The following ATG14 variants were observed in gnomAD, a reference collection of about 807,000 sequenced individuals.
ATG14 encodes beclin 1-associated autophagy-related key regulator.
A neutral mutation model predicts 60.4 loss-of-function variants in ATG14; 35 were observed. The ratio of observed to expected loss-of-function variants is 0.58; its 90% CI spans 0.44 to 0.77. The LOEUF (loss-of-function observed/expected upper bound fraction) is 0.77, where lower values mean the gene tolerates loss of function less well. Among genes scored for constraint, ATG14 ranks in the 30% least tolerant of loss-of-function variants. The pLI, the probability that ATG14 is intolerant of heterozygous loss-of-function variation, is 0.00. For missense variants in ATG14, 647 were observed against 626.3 expected (o/e 1.03, Z -0.35); for synonymous variants, 234 against 228.8 (o/e 1.02, Z -0.21).
chr14:55,404,350 A>C (rs376695197), intron 1 of ATG14, among the ~76,000 whole-genome samples: 6 of 152,172 alleles, frequency 3.9e-5, no homozygotes, highest in Middle Eastern at 3.2e-3. Context: ...CTCCCTTCTA[A>C]AAGAAAACAC....
chr14:55,407,686 A>G (rs373806724), intron 1 of ATG14, among the ~76,000 whole-genome samples: 283 of 152,354 alleles, frequency 1.9e-3, no homozygotes, highest in Non-Finnish European at 3.2e-3. Context: ...TCATGCCTTC[A>G]TGAAACTACA....
Position 55,386,075 on chromosome 14 carries a change from G to A in ATG14, c.431C>T (p.Thr144Ile). The A allele has an allele frequency of 6.2e-7, 1 of 1,609,878 alleles. No homozygotes were observed. Among genetic ancestry groups the A allele is most frequent in the Non-Finnish European group, 8.5e-7 (1 of 1,179,004 alleles). The change falls in exon 5 of 10, where the codon ACC becomes ATC. Residue 144 changes from threonine to isoleucine, a missense_variant. Coordinates refer to ENST00000247178, the MANE Select transcript of ATG14 (RefSeq NM_014924.5). ...MEKNSEGLLK[T>I]KEKNQKLYSR... ...GTAAAGCTTCTGATTCTTTTCCTTG[G>A]TTTTGAGAAGGCCTTCAGAATCTAA... is the stretch of plus-strand genomic sequence containing the variant.
In ATG14 at chr14:55,387,762, G is replaced by A. The variant is rs1195596762; in HGVS notation, c.410-1666C>T. Among the ~76,000 whole-genome samples, 5 of 151,630 alleles carry A rather than the reference G, an allele frequency of 3.3e-5. No individual in the cohort carries two copies. In the East Asian group the frequency reaches 5.9e-4, roughly 18 times the overall value. On this transcript the variant is annotated intron_variant, in intron 4 of 9. Coordinates refer to ENST00000247178, the MANE Select transcript of ATG14 (RefSeq NM_014924.5). ...CGGCTCACTGCAACCTCCGCCTCCC[G>A]GGTTCAATTGATTCTCCTGACCCAG...
At position 55,378,025 on chromosome 14, in the gene ATG14, T is replaced by C. The variant is rs528347340; in HGVS notation, c.1045A>G (p.Lys349Glu). The C allele has an allele frequency of 6.2e-7, 1 of 1,613,228 alleles. No homozygotes were observed. Among genetic ancestry groups the C allele is most frequent in the South Asian group, 1.1e-5 (1 of 91,038 alleles). Reference protein sequence around the residue: ...LSKQKFTRAVKKLNANILYLC... With the variant: ...LSKQKFTRAVEKLNANILYLC... ...TAAAGAATATTTGCATTCAGTTTCT[T>C]CACTGCTCGAGTAAATTTCTGCTTG... Residue 349 changes from lysine to glutamate, a missense_variant, in exon 8 of 10, where the codon AAG (lysine) becomes GAG (glutamate). Coordinates refer to ENST00000247178, the MANE Select transcript of ATG14 (RefSeq NM_014924.5).
chr14:55,369,416 A>C lies in ATG14; in HGVS notation c.*203T>G. The C allele has an allele frequency of 4.5e-6, 2 of 448,520 alleles. No homozygotes were observed. The highest frequency in any genetic ancestry group is 3.4e-5 in the East Asian group (1 of 29,264). The allele number at this position is 448,520 out of a possible 1,614,324, so 27.8% of individuals were successfully genotyped here. A position where few individuals can be genotyped will look rare whatever the true frequency, so the allele number is the denominator to read the frequency against. On this transcript the variant is annotated 3_prime_UTR_variant, in exon 10 of 10. Coordinates refer to ENST00000247178, the MANE Select transcript of ATG14 (RefSeq NM_014924.5). ...AAAGACCTTCGACCCCTGTTCTCTT[A>C]ATTATCATAAGCATGTTGGTCACCA...
At chr14:55,396,392 GTT>G (rs1214842061) in intron 2 of ATG14, among the ~76,000 whole-genome samples, 1 of 152,176 alleles carries the variant, frequency 6.6e-6, no homozygotes, top group East Asian at 1.9e-4. Flanking sequence ...GAAAAATAAA[GTT>G]TTTGTGTTTG....
intron 4 of ATG14, among the ~76,000 whole-genome samples, chr14:55,387,649 G>A (rs1375367954): frequency 6.6e-6 from 1 of 152,038 alleles, no homozygotes; most frequent in Non-Finnish European, 1.5e-5. Flanking sequence ...TTAGGTATTT[G>A]GTTGCACGCA....
intron 7 of ATG14, among the ~76,000 whole-genome samples, chr14:55,378,983 C>T (rs906783112): frequency 6.6e-6 from 1 of 152,078 alleles, no homozygotes; most frequent in African/African-American, 2.4e-5. Context: ...GCTGGGATTA[C>T]AGGCAGGCAT....
At position 55,369,845 on chromosome 14, in the gene ATG14, T is replaced by C. The variant is rs746710588; in HGVS notation, c.1253A>G (p.Glu418Gly). 1.2e-6 allele frequency: 2 copies of C among 1,614,006 alleles called. No individual in the cohort carries two copies. Among genetic ancestry groups the C allele is most frequent in the African/African-American group, 1.3e-5 (1 of 74,918 alleles). The change falls in exon 10 of 10, where the codon GAG (glutamate) becomes GGG (glycine). Residue 418 changes from glutamate (E) to glycine (G), a missense_variant. Coordinates refer to ENST00000247178, the MANE Select transcript of ATG14 (RefSeq NM_014924.5). ...ATCGCTGACGCGCTCATCTCCGCTC[T>C]CATCTGATTCTCCAGCAACTCCGGG... ...VDPGVAGESD[E>G]SGDERVSDEE...
Position 55,397,943 on chromosome 14 carries a change from C to CTTT in ATG14, c.222-512_222-510dup, listed in dbSNP as rs928087584. ...GAAGAGGTATCACATTGCAGTAATT[C>CTTT]TTTTTTTTTTTTTTTTTTTTTTGAG... On this transcript the variant is annotated intron_variant, in intron 1 of 9. Transcript: ENST00000247178. 5.9e-3 allele frequency among the ~76,000 whole-genome samples: 622 copies of CTTT among 105,454 alleles called. 2 individuals carry two copies. Among genetic ancestry groups the CTTT allele is most frequent in the African/African-American group, 0.011 (278 of 25,820 alleles). The allele number at this position is 105,454 out of a possible 152,430, so 69.2% of individuals were successfully genotyped here.
At position 55,409,520 on chromosome 14, in the gene ATG14, A is replaced by T. The variant is rs1885538972; in HGVS notation, c.221+2082T>A. ...TAAATACGCATGAGGTTAGCATTTTAATAGAAGGATCAGAAAGAGTCTAAC... is the reference window on the plus strand; with the variant it reads ...TAAATACGCATGAGGTTAGCATTTTTATAGAAGGATCAGAAAGAGTCTAAC... On this transcript the variant is annotated intron_variant, in intron 1 of 9. Coordinates refer to ENST00000247178, the MANE Select transcript of ATG14 (RefSeq NM_014924.5). Among the ~76,000 whole-genome samples, 3 of 152,268 alleles carry T rather than the reference A, an allele frequency of 2.0e-5. No homozygotes were observed. In the South Asian group the frequency reaches 6.2e-4, roughly 32 times the overall value.
intron 1 of ATG14, among the ~76,000 whole-genome samples, chr14:55,409,701 C>A (rs890840320): frequency 2.6e-5 from 4 of 152,068 alleles, no homozygotes; most frequent in African/African-American, 9.7e-5. Context: ...AGTGGCACAG[C>A]AGATTAGGTA....
intron 7 of ATG14, among the ~76,000 whole-genome samples, chr14:55,379,523 C>T (rs550228813): frequency 1.3e-4 from 20 of 152,002 alleles, no homozygotes; most frequent in African/African-American, 3.9e-4. Context: ...CCAGCCTGGA[C>T]GACAGAGTGA....
intron 3 of ATG14, among the ~76,000 whole-genome samples, chr14:55,395,446 G>A (rs769599917): frequency 1.1e-4 from 17 of 152,162 alleles, no homozygotes; most frequent in African/African-American, 2.2e-4. Context: ...TCTGCCTCCC[G>A]GGTTCAAGTG....
At chr14:55,380,757 GT>G in intron 6 of ATG14, 67 bp from the exon 7 acceptor site, 1 of 1,027,774 alleles carries the variant, frequency 9.7e-7, no homozygotes, top group Non-Finnish European at 1.5e-6. Flanking sequence ...TAATCCACGA[GT>G]TTATCATTTA....
At chr14:55,389,301 G>C (rs914989130) in intron 4 of ATG14, among the ~76,000 whole-genome samples, 5 of 152,346 alleles carry the variant, frequency 3.3e-5, no homozygotes, top group African/African-American at 1.2e-4. Flanking sequence ...GTAAGACGGG[G>C]AGAGCATGAA....
chr14:55,389,137 G>A (rs568694055), intron 4 of ATG14, among the ~76,000 whole-genome samples: 4 of 152,170 alleles, frequency 2.6e-5, no homozygotes, highest in Non-Finnish European at 5.9e-5. Flanking sequence ...CTAATTCTTT[G>A]TGGTGGTTGT....
chr14:55,401,561 T>C (rs901335197), intron 1 of ATG14, among the ~76,000 whole-genome samples: 4 of 152,250 alleles, frequency 2.6e-5, no homozygotes, highest in African/African-American at 9.6e-5. Context: ...TCCATACTTA[T>C]ATGATTTGGG....
At chr14:55,379,674 A>G (rs1884991942) in intron 7 of ATG14, among the ~76,000 whole-genome samples, 1 of 152,234 alleles carries the variant, frequency 6.6e-6, no homozygotes, top group Admixed American at 6.5e-5. Context: ...GGAGGGTAGT[A>G]GGAAGATTGT....
Sources: gnomAD v4.1 joint callset for allele counts (sites outside exome capture counted in the v4.1 genomes callset) on GRCh38, gnomAD v4.1.1 for gene constraint, MANE v1.5 for transcripts, NCBI Gene and HGNC (gene_info 2026-07-23, HGNC 2026-07-21) for gene names.